The following COP1 variants were observed in gnomAD, a reference collection of about 807,000 sequenced individuals.
COP1 encodes COP1 E3 ubiquitin ligase.
Under a neutral mutation model 101.3 loss-of-function variants are expected in COP1, and 24 were observed. That is an observed-to-expected ratio of 0.24 (90% confidence interval 0.17 to 0.33). The LOEUF (loss-of-function observed/expected upper bound fraction) is 0.33. Among genes scored for constraint, COP1 ranks in the 10% least tolerant of loss-of-function variants. COP1 has a pLI of 1.00. For missense variants in COP1, 663 were observed against 906.2 expected (o/e 0.73, Z 3.45); for synonymous variants, 347 against 341.9 (o/e 1.01, Z -0.17).
rs528629450 is a variant in COP1, at chr1:176,176,023, G to GA, written c.468-17dup. 1.1e-4 allele frequency: 131 copies of GA among 1,179,366 alleles called. No homozygotes were observed. The highest frequency in any genetic ancestry group is 1.4e-4 in the Non-Finnish European group (110 of 811,364). 73.1% of individuals were successfully genotyped at this position (1,179,366 alleles called of 1,614,324 possible). A position where few individuals can be genotyped will look rare whatever the true frequency, so the allele number is the denominator to read the frequency against. ...ACACTTGTAGCTATTAGTAGGGGGG[G>GA]AAAAAAAAGGCTTAATTAAATCAAT... is the stretch of plus-strand genomic sequence containing the variant. On this transcript the variant is annotated splice_polypyrimidine_tract_variant and intron_variant, in intron 2 of 19. Coordinates refer to ENST00000367669, the MANE Select transcript of COP1 (RefSeq NM_022457.7).
Position 176,162,885 on chromosome 1 carries a change from T to A in COP1, c.746A>T (p.Lys249Met). 6.2e-7 allele frequency: 1 copy of A among 1,600,484 alleles called. No individual in the cohort carries two copies. Among genetic ancestry groups the A allele is most frequent in the Non-Finnish European group, 8.5e-7 (1 of 1,173,940 alleles). Residue 249 changes from lysine (K) to methionine (M), a missense_variant, in exon 5 of 20, where the codon AAG becomes ATG. Physicochemically the swap from Lys to Met is moderately conservative, Grantham distance 95. This residue lies in a region of COP1 where 212 missense variants were observed against 240.7 expected (regional missense o/e 0.88). Transcript: ENST00000367669. ...ACCACTTACTGCTTCCAGTTGTTTC[T>A]TCTTCTGCACTAGTAACTCCAACAT... ...NLMLELLVQK[K>M]KQLEAESHAA...
chr1:176,157,720 A>C (rs1296176776), intron 5 of COP1, among the ~76,000 whole-genome samples: 3 of 152,238 alleles, frequency 2.0e-5, no homozygotes, highest in African/African-American at 7.2e-5. Flanking sequence ...AAAAATATTC[A>C]GCACTGAACA....
At chr1:176,184,980 G>C (rs1450022152) in intron 1 of COP1, among the ~76,000 whole-genome samples, 2 of 152,056 alleles carry the variant, frequency 1.3e-5, no homozygotes, top group Non-Finnish European at 2.9e-5. Flanking sequence ...ATAATTTTTA[G>C]TAGTACAATG....
rs184638934 is a variant in COP1 at position 176,105,388 on chromosome 1, T to C, written c.1026+11236A>G. 4.5e-4 allele frequency among the ~76,000 whole-genome samples: 68 copies of C among 152,276 alleles called. 1 individual carries two copies. The East Asian group carries it at 0.011, about 25-fold the overall frequency. On this transcript the variant is annotated intron_variant, in intron 9 of 19. Transcript: ENST00000367669. ...GAAAATTAAACAAATCCAAATAACC[T>C]TTGAATATACTATATTTTCAGTATA...
In COP1 at chr1:176,117,435, T is replaced by C. The variant is rs1238319738; in HGVS notation, c.969-754A>G. Among the ~76,000 whole-genome samples the C allele has an allele frequency of 2.6e-5, 4 of 152,202 alleles. No individual in the cohort carries two copies. In the South Asian group the frequency reaches 6.2e-4, roughly 24 times the overall value. ...GAAGTGTAGACTATCTTTTACTTCC[T>C]CTATCTTAGCATTTCTATCTTACCA... On this transcript the variant is annotated intron_variant, in intron 8 of 19. Coordinates refer to ENST00000367669, the MANE Select transcript of COP1 (RefSeq NM_022457.7).
At chr1:176,135,815 T>C (rs143827990) in intron 7 of COP1, among the ~76,000 whole-genome samples, 2 of 152,212 alleles carry the variant, frequency 1.3e-5, no homozygotes, top group African/African-American at 4.8e-5. Context: ...AGCTCAATCA[T>C]ACAGTCAGGT....
chr1:175,968,107 T>C (rs1271843536), intron 18 of COP1, among the ~76,000 whole-genome samples: 3 of 152,182 alleles, frequency 2.0e-5, no homozygotes, highest in African/African-American at 7.2e-5. Context: ...TGACATTCAG[T>C]GATCCATCTG....
chr1:176,148,635 T>C (rs1366372687), intron 6 of COP1, among the ~76,000 whole-genome samples: 1 of 152,126 alleles, frequency 6.6e-6, no homozygotes, highest in African/African-American at 2.4e-5. Flanking sequence ...TGCCTACATA[T>C]GTTTTTACCA....
chr1:175,947,125 T>C, intron 19 of COP1, 70 bp downstream of exon 19: 4 of 1,030,252 alleles, frequency 3.9e-6, no homozygotes, highest in Non-Finnish European at 6.2e-6. Flanking sequence ...TACAATGGTG[T>C]ATTTCTATAA....
intron 18 of COP1, among the ~76,000 whole-genome samples, chr1:175,962,261 T>A (rs1651465477): frequency 6.6e-6 from 1 of 152,076 alleles, no homozygotes; most frequent in Admixed American, 6.5e-5. Flanking sequence ...ATTCCTCTTG[T>A]GAAAGAGAGG....
At chr1:176,164,145 T>C (rs973791673) in intron 3 of COP1, among the ~76,000 whole-genome samples, 4 of 152,232 alleles carry the variant, frequency 2.6e-5, no homozygotes, top group African/African-American at 9.6e-5. Context: ...TGTTTCTCAA[T>C]GATGACGCTA....
chr1:176,048,508 C>T (rs1367463571), intron 11 of COP1, among the ~76,000 whole-genome samples: 1 of 152,088 alleles, frequency 6.6e-6, no homozygotes, highest in Non-Finnish European at 1.5e-5. Context: ...TTTTAATGCA[C>T]CATAACTATA....
intron 11 of COP1, among the ~76,000 whole-genome samples, chr1:176,057,748 G>C (rs532851529): frequency 1.3e-5 from 2 of 150,946 alleles, no homozygotes; most frequent in African/African-American, 4.8e-5. Flanking sequence ...GCCTCTGCCC[G>C]GCTGCCACCC....
intron 18 of COP1, among the ~76,000 whole-genome samples, chr1:175,961,423 T>C (rs993116109): frequency 6.6e-6 from 1 of 151,830 alleles, no homozygotes; most frequent in African/African-American, 2.4e-5. Flanking sequence ...TATCCGTCCA[T>C]TAGGGTAGAT....
rs1281482387 is a variant in COP1 at position 176,169,933 on chromosome 1, ATAT to A, written c.565+5974_565+5976del. ...CTGCTTTATCAACTAAGTTTATGTA[ATAT>A]TCTAAATTCTTTGATGTCATTTCAA... On this transcript the variant is annotated intron_variant, in intron 3 of 19. Transcript: ENST00000367669. 4.6e-5 allele frequency among the ~76,000 whole-genome samples: 7 copies of A among 152,234 alleles called. 1 individual carries two copies. The highest frequency in any genetic ancestry group is 3.9e-4 in the Admixed American group (6 of 15,288).
intron 15 of COP1, among the ~76,000 whole-genome samples, chr1:175,995,554 A>G (rs1571496896): frequency 1.3e-5 from 2 of 152,326 alleles, no homozygotes; most frequent in South Asian, 4.1e-4. Flanking sequence ...ATAAAAAATG[A>G]TAAACGGGAT....
intron 9 of COP1, among the ~76,000 whole-genome samples, chr1:176,104,936 T>G (rs1016447720): frequency 6.6e-6 from 1 of 152,132 alleles, no homozygotes; most frequent in African/African-American, 2.4e-5. Flanking sequence ...TACAACCACA[T>G]GACAAGTTTC....
At chr1:176,169,548 T>A (rs1289868725) in intron 3 of COP1, among the ~76,000 whole-genome samples, 1 of 152,204 alleles carries the variant, frequency 6.6e-6, no homozygotes, top group African/African-American at 2.4e-5. Flanking sequence ...AAAGTTCTGT[T>A]TACGCTATAC....
chr1:176,137,064 A>C (rs1205763287), intron 6 of COP1, among the ~76,000 whole-genome samples: 1 of 152,184 alleles, frequency 6.6e-6, no homozygotes, highest in Admixed American at 6.6e-5. Flanking sequence ...CATACTTTAT[A>C]AACAAAGATT....
Sources: allele counts gnomAD v4.1 joint callset (sites outside exome capture counted in the v4.1 genomes callset), GRCh38; gene constraint gnomAD v4.1.1; regional missense constraint gnomAD v4.1.1; transcripts MANE v1.5; gene names NCBI Gene and HGNC (gene_info 2026-07-23, HGNC 2026-07-21).